Variants in ABHD2 observed in about 807,000 individuals in gnomAD.
ABHD2 encodes abhydrolase domain containing 2, acylglycerol lipase, also known as monoacylglycerol lipase ABHD2.
A neutral mutation model predicts 48.1 loss-of-function variants in ABHD2; 20 were observed. The ratio of observed to expected loss-of-function variants is 0.42; its 90% CI spans 0.29 to 0.60. The LOEUF (loss-of-function observed/expected upper bound fraction) is 0.60, where lower values mean the gene tolerates loss of function less well. ABHD2 is among the 20% of genes least tolerant of loss of function. The pLI is 0.24. For missense variants in ABHD2, 405 were observed against 550.9 expected, an observed-to-expected ratio of 0.74 and a Z score of 2.65; for synonymous variants, 209 against 214.2, an observed-to-expected ratio of 0.98 and a Z score of 0.21.
intron 4 of ABHD2, among the ~76,000 whole-genome samples, chr15:89,153,913 A>G (rs2050631240): frequency 6.6e-6 from 1 of 152,342 alleles, no homozygotes; most frequent in African/African-American, 2.4e-5. Flanking sequence ...CACAATTTTA[A>G]TAATTGCTTA....
rs149399852 is a variant in ABHD2, at chr15:89,183,811, G to T, written c.723-1613G>T. Among the ~76,000 whole-genome samples, 195 of 152,290 alleles carry T rather than the reference G, an allele frequency of 1.3e-3. 1 individual carries two copies. The highest frequency in any genetic ancestry group is 4.4e-3 in the African/African-American group (183 of 41,550). ...GCAAGAACATCCCTTCAGTTAGGAGGTCAGCAAAGGGAGAAATGAACCAGG... is the reference window on the plus strand; with the variant it reads ...GCAAGAACATCCCTTCAGTTAGGAGTTCAGCAAAGGGAGAAATGAACCAGG... On this transcript the variant is annotated intron_variant, in intron 6 of 10. Transcript: ENST00000352732.
rs76691056 is a variant in ABHD2 at position 89,159,705 on chromosome 15, G to A, written c.538+4171G>A. Among the ~76,000 whole-genome samples, 312 of 152,308 alleles carry A rather than the reference G, an allele frequency of 2.0e-3. 1 individual carries two copies. Among genetic ancestry groups the A allele is most frequent in the African/African-American group, 7.0e-3 (289 of 41,570 alleles). The stretch of plus-strand genomic sequence containing the variant: ...GTGAGCATGAAAAACCCTTGGAGAT[G>A]AGGTGAATCCATCAGGGGAGAGCTT... On this transcript the variant is annotated intron_variant, in intron 5 of 10. Transcript: ENST00000352732.
At chr15:89,154,923 T>A (rs7171601) in intron 4 of ABHD2, among the ~76,000 whole-genome samples, 8,320 of 152,274 alleles carry the variant, frequency 0.055, 799 homozygotes, top group African/African-American at 0.19. Context: ...AATTGCTGGG[T>A]CAAAGAGGTC....
chr15:89,110,519 A>G (rs1567071136), intron 1 of ABHD2, among the ~76,000 whole-genome samples: 1 of 152,080 alleles, frequency 6.6e-6, no homozygotes, highest in Non-Finnish European at 1.5e-5. Flanking sequence ...TTTTTATCTA[A>G]GCTTCTAAAG....
At chr15:89,125,907 C>A (rs562035489) in intron 3 of ABHD2, among the ~76,000 whole-genome samples, 1 of 152,246 alleles carries the variant, frequency 6.6e-6, no homozygotes, top group East Asian at 1.9e-4. Flanking sequence ...AGACTTTATG[C>A]CTTCTTATAG....
chr15:89,130,077 G>T (rs1282001785), intron 3 of ABHD2, among the ~76,000 whole-genome samples: 1 of 151,056 alleles, frequency 6.6e-6, no homozygotes, highest in East Asian at 1.9e-4. Context: ...TGGTAACAAT[G>T]AAGCCTTAAA....
Position 89,116,611 on chromosome 15 carries a change from C to T in ABHD2, c.194+90C>T. 1 of 1,384,900 alleles carries T rather than the reference C, an allele frequency of 7.2e-7. No individual in the cohort carries two copies. The highest frequency in any genetic ancestry group is 2.3e-5 in the East Asian group (1 of 43,166). The allele number at this position is 1,384,900 out of a possible 1,614,324, so 85.8% of individuals were successfully genotyped here. On this transcript the variant is annotated intron_variant, in intron 3 of 10. Transcript: ENST00000352732. This position sits in a 1 kb window ranked among gnomAD's most constrained non-coding sequence, Gnocchi z 4.6. ...AAGAAGAAACTTCTCTCATCGTGTC[C>T]TTAAGGCATCAATGGGATATGACGT...
At chr15:89,118,128 A>G (rs923640586) in intron 3 of ABHD2, among the ~76,000 whole-genome samples, 1 of 152,086 alleles carries the variant, frequency 6.6e-6, no homozygotes, top group African/African-American at 2.4e-5. Flanking sequence ...TGTGCACGGT[A>G]TATGTTTTGA....
rs1213542575 is a variant in ABHD2 at position 89,106,142 on chromosome 15, C to T, written c.-106-7583C>T. The T allele has an allele frequency of 2.0e-5, 3 of 152,220 alleles. No individual in the cohort carries two copies. The highest frequency in any genetic ancestry group is 2.1e-4 in the South Asian group (1 of 4,828). The allele number at this position is 152,220 out of a possible 1,614,324, so 9.4% of individuals were successfully genotyped here. ...CAGCCTGGCTAACATGGTGAAACCC[C>T]GTTTTTACTAAAAATGCAATAAATT... is the stretch of plus-strand genomic sequence containing the variant. On this transcript the variant is annotated intron_variant, in intron 1 of 10. Transcript: ENST00000352732. This position sits in a 1 kb window ranked among gnomAD's most constrained non-coding sequence, Gnocchi z 4.2.
intron 5 of ABHD2, among the ~76,000 whole-genome samples, chr15:89,162,890 T>G (rs2150907438): frequency 6.6e-6 from 1 of 152,336 alleles, no homozygotes; most frequent in Non-Finnish European, 1.5e-5. Context: ...GTGTCTAGAA[T>G]CCTGCTTGGA....
the ABHD2 span, among the ~76,000 whole-genome samples, chr15:89,080,241 C>T: frequency 1.3e-5 from 2 of 152,072 alleles, no homozygotes; most frequent in African/African-American, 4.8e-5. Context: ...GAGGTTTTGC[C>T]CAAGGGGAGA....
At chr15:89,108,869 G>GT (rs1567070383) in intron 1 of ABHD2, among the ~76,000 whole-genome samples, 1 of 152,226 alleles carries the variant, frequency 6.6e-6, no homozygotes. Context: ...TACAGCGATA[G>GT]TTTTTTCCTG....
At chr15:89,142,502 TC>T (rs1351906067) in intron 3 of ABHD2, among the ~76,000 whole-genome samples, 1 of 152,192 alleles carries the variant, frequency 6.6e-6, no homozygotes, top group Non-Finnish European at 1.5e-5. Flanking sequence ...GTAGTAAGAT[TC>T]CAGTGGCATT....
rs1361790020 is a variant in ABHD2, at chr15:89,186,128, G to T, written c.815+612G>T. On this transcript the variant is annotated intron_variant, in intron 7 of 10. Coordinates refer to ENST00000352732, the MANE Select transcript of ABHD2 (RefSeq NM_152924.5). This position sits in a 1 kb window ranked among gnomAD's most constrained non-coding sequence, Gnocchi z 4.3. The stretch of plus-strand genomic sequence containing the variant: ...TGTCATTGTTGAGGAGACCTTCCCT[G>T]TAGGATGCTTCTGTGCCTGGGGGAT... Among the ~76,000 whole-genome samples the T allele has an allele frequency of 1.3e-5, 2 of 152,154 alleles. No individual in the cohort carries two copies. Among genetic ancestry groups the T allele is most frequent in the African/African-American group, 4.8e-5 (2 of 41,442 alleles).
At chr15:89,129,567 T>G (rs575110560) in intron 3 of ABHD2, among the ~76,000 whole-genome samples, 33 of 152,110 alleles carry the variant, frequency 2.2e-4, no homozygotes, top group Non-Finnish European at 4.4e-4. Flanking sequence ...TTGAAGGTTT[T>G]TCCCCTAAGA....
the ABHD2 span, among the ~76,000 whole-genome samples, chr15:89,066,374 C>T: frequency 2.6e-5 from 4 of 152,144 alleles, no homozygotes; most frequent in Non-Finnish European, 5.9e-5. Context: ...GCCCTCTTCC[C>T]TGTGTATCTC....
intron 3 of ABHD2, among the ~76,000 whole-genome samples, chr15:89,142,694 A>C (rs1484445861): frequency 6.6e-6 from 1 of 152,106 alleles, no homozygotes; most frequent in Non-Finnish European, 1.5e-5. Flanking sequence ...CTTCCCCTCC[A>C]CAGCCCCTGA....
rs1439054608 is a variant in ABHD2 at position 89,146,398 on chromosome 15, G to A, written c.195-5279G>A. On this transcript the variant is annotated intron_variant, in intron 3 of 10. Coordinates refer to ENST00000352732, the MANE Select transcript of ABHD2 (RefSeq NM_152924.5). This position sits in a 1 kb window ranked among gnomAD's most constrained non-coding sequence, Gnocchi z 4.2. ...TGTGTGTGTGTGTGTGTGTGTGTGTGTACGTATGTATATGGGGGGTGGGAG... is the reference window on the plus strand; with the variant it reads ...TGTGTGTGTGTGTGTGTGTGTGTGTATACGTATGTATATGGGGGGTGGGAG... Among the ~76,000 whole-genome samples the A allele has an allele frequency of 7.6e-6, 1 of 131,992 alleles. No homozygotes were observed. The highest frequency in any genetic ancestry group is 2.3e-4 in the East Asian group (1 of 4,256). The allele number at this position is 131,992 out of a possible 152,430, so 86.6% of individuals were successfully genotyped here.
chr15:89,171,829 C>T (rs531654687), intron 5 of ABHD2, among the ~76,000 whole-genome samples: 3 of 152,144 alleles, frequency 2.0e-5, no homozygotes, highest in Non-Finnish European at 4.4e-5. Flanking sequence ...AGTGGTTGCA[C>T]CTGAGGATCT....
Sources: gnomAD v4.1 joint callset for allele counts (sites outside exome capture counted in the v4.1 genomes callset) on GRCh38, gnomAD v4.1.1 for gene constraint, Gnocchi (gnomAD v3.1) non-coding constraint, MANE v1.5 for transcripts, NCBI Gene and HGNC (gene_info 2026-07-23, HGNC 2026-07-21) for gene names.